NTM: variants seen among roughly 807,000 people sequenced by gnomAD.
The protein encoded by NTM is IgLON family member 2.
NTM carries 13 observed loss-of-function variants against 42.1 expected under a neutral mutation model. The ratio of observed to expected loss-of-function variants is 0.31; its 90% confidence interval spans 0.20 to 0.49. The LOEUF (loss-of-function observed/expected upper bound fraction) is 0.49, where lower values mean the gene tolerates loss of function less well. NTM is among the 20% of genes least tolerant of loss of function. The pLI is 0.99. For synonymous variants in NTM, 187 were observed against 179.2 expected (o/e 1.04, Z -0.35); for missense variants, 373 against 452.8 (o/e 0.82, Z 1.60).
chr11:131,991,835 C>T (rs1451309753), intron 2 of NTM, among the ~76,000 whole-genome samples: 1 of 151,886 alleles, frequency 6.6e-6, no homozygotes, highest in African/African-American at 2.4e-5. Flanking sequence ...GCATGCAGGA[C>T]AAGTAGTTAA....
intron 1 of NTM, among the ~76,000 whole-genome samples, chr11:131,835,199 G>T (rs1283779552): frequency 1.3e-5 from 2 of 152,222 alleles, no homozygotes; most frequent in East Asian, 3.9e-4. Context: ...CAGATCTGAA[G>T]ATATTTCTGT....
intron 2 of NTM, among the ~76,000 whole-genome samples, chr11:132,142,725 G>A (rs2069453329): frequency 6.6e-6 from 1 of 152,162 alleles, no homozygotes; most frequent in Non-Finnish European, 1.5e-5. Flanking sequence ...CAGAACCGCA[G>A]CTGGAACTGT....
At chr11:131,614,672 G>A (rs1196345337) in intron 1 of NTM, among the ~76,000 whole-genome samples, 2 of 152,212 alleles carry the variant, frequency 1.3e-5, no homozygotes, top group African/African-American at 2.4e-5. Flanking sequence ...TGCTTTGTCA[G>A]TTCTTGTTCA....
chr11:132,049,866 C>G (rs564942401), intron 2 of NTM, among the ~76,000 whole-genome samples: 1 of 152,272 alleles, frequency 6.6e-6, no homozygotes, highest in African/African-American at 2.4e-5. Flanking sequence ...GAGCCACTTT[C>G]TAGGGAAAAC....
intron 1 of NTM, among the ~76,000 whole-genome samples, chr11:131,712,886 CAAGGAAGAAAGA>C (rs2077321592): frequency 6.6e-6 from 1 of 151,436 alleles, no homozygotes; most frequent in African/African-American, 2.4e-5. Context: ...AAGTGAAAAC[CAAGGAAGAAAGA>C]AAGGAAGAAA....
At chr11:132,178,479 A>T (rs887575413) in intron 3 of NTM, among the ~76,000 whole-genome samples, 6 of 152,104 alleles carry the variant, frequency 3.9e-5, no homozygotes, top group African/African-American at 1.2e-4. Flanking sequence ...TTTTCCTTGG[A>T]TTTTATTTTA....
chr11:132,249,301 G>A (rs962527989), intron 4 of NTM, among the ~76,000 whole-genome samples: 1 of 152,158 alleles, frequency 6.6e-6, no homozygotes, highest in African/African-American at 2.4e-5. Context: ...GTGTGTGTGA[G>A]GGTAAGGTGT....
intron 3 of NTM, among the ~76,000 whole-genome samples, chr11:132,200,573 G>C (rs1566454237): frequency 6.6e-6 from 1 of 152,210 alleles, no homozygotes; most frequent in African/African-American, 2.4e-5. Flanking sequence ...GCTTGTGTTT[G>C]AGTGCATAAC....
At position 131,599,250 on chromosome 11, in the gene NTM, C is replaced by CATGCCCTGTCTACCCAGTCTCCAGCAG. The variant is rs1565687796; in HGVS notation, c.82+228385_82+228411dup. Among the ~76,000 whole-genome samples, 26 of 102,118 alleles carry CATGCCCTGTCTACCCAGTCTCCAGCAG rather than the reference C, an allele frequency of 2.5e-4. 3 individuals are homozygous for CATGCCCTGTCTACCCAGTCTCCAGCAG. Among genetic ancestry groups the CATGCCCTGTCTACCCAGTCTCCAGCAG allele is most frequent in the African/African-American group, 8.8e-4 (26 of 29,404 alleles). The allele number at this position is 102,118 out of a possible 152,430, so 67.0% of individuals were successfully genotyped here. ...TTTTGATGCATCGGCCCGAGTGTGC[C>CATGCCCTGTCTACCCAGTCTCCAGCAG]ATGCCCTGTCTACCCAGTCTCCAGC... On this transcript the variant is annotated intron_variant, in intron 1 of 8. Coordinates refer to ENST00000683400, the MANE Select transcript of NTM (RefSeq NM_001352005.2).
intron 2 of NTM, among the ~76,000 whole-genome samples, chr11:132,012,457 T>A (rs1445181292): frequency 2.0e-5 from 3 of 152,152 alleles, no homozygotes; most frequent in Non-Finnish European, 4.4e-5. Flanking sequence ...TCTGAAATAA[T>A]GAGGTTATCG....
chr11:131,495,767 T>C (rs1315501827), intron 1 of NTM, among the ~76,000 whole-genome samples: 1 of 152,206 alleles, frequency 6.6e-6, no homozygotes, highest in Non-Finnish European at 1.5e-5. Context: ...TCCTTGAGGC[T>C]CAGCAGAAGG....
At chr11:132,325,102 A>T (rs2095650796) in intron 7 of NTM, among the ~76,000 whole-genome samples, 1 of 152,108 alleles carries the variant, frequency 6.6e-6, no homozygotes, top group South Asian at 2.1e-4. Context: ...TTCAGGACAT[A>T]GGCGTGGGCA....
chr11:131,533,366 A>G (rs1408682611), intron 1 of NTM, among the ~76,000 whole-genome samples: 1 of 152,200 alleles, frequency 6.6e-6, no homozygotes, highest in Non-Finnish European at 1.5e-5. Context: ...GGAACTGGGA[A>G]AGGGTGATGC....
chr11:131,456,079 G>GATATAAAT (rs1565519194), intron 1 of NTM, among the ~76,000 whole-genome samples: 1 of 152,218 alleles, frequency 6.6e-6, no homozygotes, highest in African/African-American at 2.4e-5. Flanking sequence ...CCTTGGCGGT[G>GATATAAAT]ACCTTGAGCA....
chr11:132,010,784 A>C (rs1375342475), intron 2 of NTM, among the ~76,000 whole-genome samples: 2 of 151,954 alleles, frequency 1.3e-5, no homozygotes, highest in African/African-American at 4.8e-5. Context: ...TGCCTATCAC[A>C]ATTGTACAGT....
intron 8 of NTM, among the ~76,000 whole-genome samples, chr11:132,330,871 C>T (rs908181759): frequency 1.3e-5 from 2 of 152,178 alleles, no homozygotes; most frequent in African/African-American, 2.4e-5. Flanking sequence ...CTGCGTGGCC[C>T]ATGTCACTAG....
At chr11:131,673,134 A>C (rs1324203079) in intron 1 of NTM, among the ~76,000 whole-genome samples, 2 of 152,092 alleles carry the variant, frequency 1.3e-5, no homozygotes, top group South Asian at 2.1e-4. Context: ...GGAGGGCAGG[A>C]GGGTCAGAAA....
intron 2 of NTM, among the ~76,000 whole-genome samples, chr11:131,997,932 C>T (rs1183305965): frequency 6.6e-6 from 1 of 152,198 alleles, no homozygotes; most frequent in Middle Eastern, 3.4e-3. Flanking sequence ...TGCACCTCTC[C>T]TCCCTCTCTC....
Position 132,100,119 on chromosome 11 carries a change from C to T in NTM, c.168-46163C>T, listed in dbSNP as rs111562509. On this transcript the variant is annotated intron_variant, in intron 2 of 8. Transcript: ENST00000683400. ...AGTAACTTATTACACTATGAGAGAC[C>T]TTTTTACATTTCTCTGCCTATATTT... Among the ~76,000 whole-genome samples the T allele has an allele frequency of 1.5e-4, 23 of 152,230 alleles. 1 individual carries two copies. The highest frequency in any genetic ancestry group is 5.1e-4 in the African/African-American group (21 of 41,538).
Sources: allele counts gnomAD v4.1 joint callset (sites outside exome capture counted in the v4.1 genomes callset), GRCh38; gene constraint gnomAD v4.1.1; transcripts MANE v1.5; gene names NCBI Gene and HGNC (gene_info 2026-07-23, HGNC 2026-07-21).